The following TTN variants were observed in gnomAD, a reference collection of about 807,000 sequenced individuals.
TTN encodes connectin.
TTN carries 1,525 observed loss-of-function variants against 3,223.0 expected under a neutral mutation model. That is an observed-to-expected ratio of 0.47 (90% CI 0.45 to 0.49). TTN has a LOEUF of 0.49. Ranked by LOEUF, TTN falls within the 20% of genes least tolerant of loss-of-function variation. The probability of loss-of-function intolerance (pLI) is 0.00; values close to 1 mark genes in which losing one functional copy is unlikely to be tolerated. For missense variants in TTN, 40,786 were observed against 43,424.0 expected (o/e 0.94, Z 5.40); for synonymous variants, 14,094 against 15,161.0 (o/e 0.93, Z 5.17).
In TTN at chr2:178,776,702, T is replaced by C. The variant is rs1460034754; in HGVS notation, c.5162A>G (p.His1721Arg). The C allele has an allele frequency of 2.5e-6, 4 of 1,614,126 alleles. No individual in the cohort carries two copies. Among genetic ancestry groups the C allele is most frequent in the South Asian group, 1.1e-5 (1 of 91,084 alleles). Reference sequence around the variant, plus strand: ...AATGGGTGTTAGCCTGCATTCAAAGTGGGCAGGCCCAAAGCGCTTAAGTCT... The same window carrying C: ...AATGGGTGTTAGCCTGCATTCAAAGCGGGCAGGCCCAAAGCGCTTAAGTCT... ...SLRLKRFGPA[H>R]FECRLTPIGD... The change falls in exon 28 of 363, where the codon CAC becomes CGC. Residue 1721 changes from histidine (H) to arginine (R), a missense_variant. Coordinates refer to ENST00000589042, the MANE Select transcript of TTN (RefSeq NM_001267550.2).
Position 178,545,541 on chromosome 2 carries a change from C to T in TTN, c.95569G>A (p.Val31857Ile). The T allele has an allele frequency of 6.2e-7, 1 of 1,613,748 alleles. No individual in the cohort carries two copies. The highest frequency in any genetic ancestry group is 8.5e-7 in the Non-Finnish European group (1 of 1,179,722). The change falls in exon 344 of 363, where the codon GTC becomes ATC. Residue 31857 changes from valine to isoleucine, a missense_variant. Transcript: ENST00000589042. ...TCATACACCACATAGTCTTTGTTGA[C>T]ACGTGTCCAGCGCAGGCTCTTCTTC... ...REKKSLRWTR[V>I]NKDYVVYDTR...
At chr2:178,612,603 TC>T in intron 265 of TTN, 27 bp from the exon 266 acceptor site, 1 of 1,565,858 alleles carries the variant, frequency 6.4e-7, no homozygotes, top group Non-Finnish European at 8.6e-7. Flanking sequence ...GAAAACAAAT[TC>T]ATTTTTTTTT....
Position 178,757,628 on chromosome 2 carries a change from G to C in TTN, c.10592C>G (p.Ser3531Ter), listed in dbSNP as rs767420661. The C allele has an allele frequency of 1.9e-6, 3 of 1,613,582 alleles. No homozygotes were observed. In the African/African-American group the frequency reaches 4.0e-5, roughly 22 times the overall value. ...MALMLIVDAY[S>*]EHAGQYSCKA... is the part of the protein sequence containing the mutation. ...GCAAGAGTACTGCCCAGCATGCTCT[G>C]AGTAAGCATCAACTATAAGCATTAA... is the stretch of plus-strand genomic sequence containing the variant. The change falls in exon 45 of 363, where the codon TCA becomes TGA. Residue 3531 changes from serine to a stop codon, truncating the protein, a stop_gained. Transcript: ENST00000589042. LOFTEE classifies it high-confidence loss of function.
rs1181148072 is a variant in TTN at position 178,538,564 on chromosome 2, T to C, written c.99265A>G (p.Met33089Val). 3 of 1,613,042 alleles carry C rather than the reference T, an allele frequency of 1.9e-6. No homozygotes were observed. The highest frequency in any genetic ancestry group is 1.7e-6 in the Non-Finnish European group (2 of 1,179,394). Residue 33089 changes from methionine to valine, a missense_variant, in exon 354 of 363, where the codon ATG (methionine) becomes GTG (valine). Coordinates refer to ENST00000589042, the MANE Select transcript of TTN (RefSeq NM_001267550.2). ...TGLSRPRRTA[M>V]SIKTKLTSGE... ...CATGTGAGTTTAGTCTTTATAGACATAGCAGTTCTGCGAGGTCTGCTCAGC... is the reference window on the plus strand; with the variant it reads ...CATGTGAGTTTAGTCTTTATAGACACAGCAGTTCTGCGAGGTCTGCTCAGC...
rs534008710 is a variant in TTN at position 178,561,266 on chromosome 2, A to G, written c.84866T>C (p.Val28289Ala). ...DGGAKITGYI[V>A]ERRELPDGRW... ...GCCATCTGGTAGTTCTCTGCGTTCA[A>G]CAATGTATCCTGTGATCTTAGCTCC... The change falls in exon 326 of 363, where the codon GTT becomes GCT. Residue 28289 changes from valine (V) to alanine (A), a missense_variant. Physicochemically the swap from Val to Ala is moderately conservative, Grantham distance 64 (BLOSUM62 0). Transcript: ENST00000589042. 7 of 1,613,760 alleles carry G rather than the reference A, an allele frequency of 4.3e-6. No homozygotes were observed. Among genetic ancestry groups the G allele is most frequent in the Admixed American group, 1.7e-5 (1 of 60,004 alleles).
At chr2:178,697,093 A>G in intron 113 of TTN, 28 bp downstream of exon 113, 4 of 1,514,112 alleles carry the variant, frequency 2.6e-6, no homozygotes, top group Non-Finnish European at 3.6e-6. Context: ...AGGAATAAAC[A>G]GAATAAAAAT....
In TTN at chr2:178,548,073, G is replaced by A. The variant is rs768852545; in HGVS notation, c.93553C>T (p.Arg31185Cys). The change falls in exon 339 of 363, where the codon CGT becomes TGT. Residue 31185 changes from arginine to cysteine, a missense_variant. Coordinates refer to ENST00000589042, the MANE Select transcript of TTN (RefSeq NM_001267550.2). The surrounding 1 kb of genome is among the most constrained non-coding windows in gnomAD (Gnocchi z 4.3). ...CCAGCATCATTCTTGGCCTTCACAC[G>A]GAATTCATATTCAGTTTTCTCAACA... The part of the protein sequence containing the change: ...RLVEKTEYEF[R>C]VKAKNDAGYS... The A allele has an allele frequency of 1.1e-5, 18 of 1,613,634 alleles. No individual in the cohort carries two copies. Among genetic ancestry groups the A allele is most frequent in the Middle Eastern group, 1.6e-4 (1 of 6,084 alleles).
At chr2:178,684,485 T>A in intron 131 of TTN, 72 bp from the exon 132 acceptor site, 1 of 1,502,270 alleles carries the variant, frequency 6.7e-7, no homozygotes, top group Non-Finnish European at 9.1e-7. Context: ...CAGAAAGTAC[T>A]GTGATTTTAG....
At chr2:178,673,983 C>T (rs2067511770) in intron 151 of TTN, among the ~76,000 whole-genome samples, 2 of 151,552 alleles carry the variant, frequency 1.3e-5, no homozygotes, top group South Asian at 4.2e-4. Flanking sequence ...TGAACACTTT[C>T]ACCAGAGAAA....
In TTN at chr2:178,654,270, A is replaced by G. The variant is rs2063661098; in HGVS notation, c.38318T>C (p.Val12773Ala). The change falls in exon 193 of 363, where the codon GTT becomes GCT. Residue 12773 changes from valine (V) to alanine (A), a missense_variant. Transcript: ENST00000589042. Reference protein sequence around the residue: ...PPKVPEAPKEVVLEKKVSVAV... With the variant: ...PPKVPEAPKEAVLEKKVSVAV... ...CACAGATACTTTCTTTTCAAGTACA[A>G]CTTCTTTAGGAGCTTCAGGAACTTT... 1.9e-6 allele frequency: 3 copies of G among 1,599,404 alleles called. No individual in the cohort carries two copies. The highest frequency in any genetic ancestry group is 2.5e-6 in the Non-Finnish European group (3 of 1,177,694).
chr2:178,558,273 T>A (rs1347970832), intron 327 of TTN, 38 bp from the exon 328 acceptor site: 1 of 1,589,504 alleles, frequency 6.3e-7, no homozygotes, highest in Non-Finnish European at 8.5e-7. Flanking sequence ...TGAAAAAGTG[T>A]TTCTGAAAAT....
At position 178,552,738 on chromosome 2, in the gene TTN, A is replaced by G; in HGVS notation, c.90162T>C (p.Pro30054=). 1.2e-6 allele frequency: 2 copies of G among 1,613,944 alleles called. No homozygotes were observed. The highest frequency in any genetic ancestry group is 1.1e-5 in the South Asian group (1 of 91,082). ...KTSVILSWTK[P]DFDGGSVITE... ...TGATGACGCTACCACCATCAAAGTC[A>G]GGTTTGGTCCAGCTGAGGATGACAG... The change falls in exon 335 of 363, where the codon CCT becomes CCC. Residue 30054 remains proline, a synonymous_variant. Transcript: ENST00000589042.
chr2:178,595,898 T>C, intron 294 of TTN, 89 bp from the exon 295 acceptor site: 1 of 1,353,772 alleles, frequency 7.4e-7, no homozygotes, highest in African/African-American at 1.5e-5. Context: ...GACAAAAATG[T>C]TGTTTTGAAG....
intron 41 of TTN, 106 bp downstream of exon 41, chr2:178,766,275 A>C: frequency 1.1e-6 from 1 of 913,578 alleles, no homozygotes; most frequent in South Asian, 1.4e-5. Flanking sequence ...CATGAATACC[A>C]TAGGTTCTTT....
In TTN at chr2:178,572,859, G is replaced by T; in HGVS notation, c.73273C>A (p.Pro24425Thr). ...TCAGCATCCAGTTCAATTTCTGGAG[G>T]CAGCATTCTGTCTTCAGCCTTTGGA... ...GTPKAEDRML[P>T]PEIELDADLR... The change falls in exon 326 of 363, where the codon CCT becomes ACT. Residue 24425 changes from proline to threonine, a missense_variant. By Grantham distance (38) the Pro-to-Thr change is conservative. Transcript: ENST00000589042. 1.9e-6 allele frequency: 3 copies of T among 1,613,406 alleles called. 1 individual carries two copies. The highest frequency in any genetic ancestry group is 2.2e-5 in the South Asian group (2 of 91,070).
intron 47 of TTN, chr2:178,744,839 T>G (rs1240050347): frequency 1.0e-6 from 1 of 984,858 alleles, no homozygotes. Context: ...TGGAGAAAAA[T>G]AAGGTATCTC....
At position 178,639,763 on chromosome 2, in the gene TTN, A is replaced by G. The variant is rs879235662; in HGVS notation, c.40812T>C (p.Pro13604=). 12 of 1,602,966 alleles carry G rather than the reference A, an allele frequency of 7.5e-6. No individual in the cohort carries two copies. The East Asian group carries it at 2.7e-4, about 36-fold the overall frequency. ...CGATGGGGGTTGGTTCAGGTTCCAC[A>G]GGAGGTGGTTTGATTGTTTTCACTT... The part of the protein sequence containing the change: ...EAEVKTIKPP[P]VEPEPTPIAA... The change falls in exon 223 of 363, where the codon CCT becomes CCC. Residue 13604 remains proline, a synonymous_variant. Transcript: ENST00000589042.
intron 219 of TTN, among the ~76,000 whole-genome samples, 165 bp downstream of exon 219, chr2:178,642,071 AG>A (rs1370433857): frequency 6.6e-6 from 1 of 151,778 alleles, no homozygotes. Context: ...TTAAAAAAAA[AG>A]ATCTGGAAAT....
At position 178,688,223 on chromosome 2, in the gene TTN, T is replaced by C. The variant is rs769008912; in HGVS notation, c.32199A>G (p.Val10733=). The C allele has an allele frequency of 6.2e-6, 10 of 1,607,402 alleles. No individual in the cohort carries two copies. Among genetic ancestry groups the C allele is most frequent in the Non-Finnish European group, 8.5e-6 (10 of 1,175,318 alleles). The change falls in exon 127 of 363, where the codon GTA becomes GTG. Residue 10733 remains valine (V), a splice_region_variant and synonymous_variant. Coordinates refer to ENST00000589042, the MANE Select transcript of TTN (RefSeq NM_001267550.2). The part of the protein sequence containing the change: ...PQRVEVTRHE[V]SAEEEWSYSE... ...AGTAACTCCATTCCTCCTCTGCAGA[T>C]ACTTTAAAAGATAAGGTTTCATTTA...
Sources: gnomAD v4.1 joint callset for allele counts (sites outside exome capture counted in the v4.1 genomes callset) on GRCh38, gnomAD v4.1.1 for gene constraint, Gnocchi (gnomAD v3.1) non-coding constraint, MANE v1.5 for transcripts, NCBI Gene and HGNC (gene_info 2026-07-23, HGNC 2026-07-21) for gene names.